Variants in ANO3 observed in about 807,000 individuals in gnomAD.
The protein encoded by ANO3 is anoctamin 3, also known as anoctamin-3.
In ANO3, 99 loss-of-function variants were observed where a neutral mutation model predicts 144.8. That is an observed-to-expected ratio of 0.68 (90% CI 0.58 to 0.81). The LOEUF (loss-of-function observed/expected upper bound fraction) is 0.81, where lower values mean the gene tolerates loss of function less well. Among genes scored for constraint, ANO3 ranks in the 30% least tolerant of loss-of-function variants. The pLI, the probability that ANO3 is intolerant of heterozygous loss-of-function variation, is 0.00. For synonymous variants in ANO3, 414 were observed against 392.6 expected (o/e 1.05, Z -0.64); for missense variants, 905 against 1,202.2 (o/e 0.75, Z 3.66).
chr11:26,593,405 T>G, intron 14 of ANO3, among the ~76,000 whole-genome samples: 1 of 152,170 alleles, frequency 6.6e-6, no homozygotes, highest in Non-Finnish European at 1.5e-5. Flanking sequence ...ATCTAGTGAT[T>G]GCCTGTCCTA....
At chr11:26,397,165 C>T (rs1857036987) in intron 1 of ANO3, among the ~76,000 whole-genome samples, 1 of 136,694 alleles carries the variant, frequency 7.3e-6, no homozygotes. Flanking sequence ...AAGCTAATCG[C>T]AAGGACTGAG....
intron 4 of ANO3, among the ~76,000 whole-genome samples, chr11:26,501,594 A>G (rs970947922): frequency 2.6e-5 from 4 of 152,076 alleles, no homozygotes; most frequent in Non-Finnish European, 5.9e-5. Flanking sequence ...AGAATATTCT[A>G]CTTGTACAGA....
At chr11:26,455,961 C>T (rs1177697117) in intron 3 of ANO3, among the ~76,000 whole-genome samples, 1 of 151,528 alleles carries the variant, frequency 6.6e-6, no homozygotes, top group Non-Finnish European at 1.5e-5. Context: ...CTGAGAAAAA[C>T]AAGCAATGGG....
chr11:26,544,666 A>G (rs938688328), intron 11 of ANO3, among the ~76,000 whole-genome samples: 9 of 151,862 alleles, frequency 5.9e-5, no homozygotes, highest in African/African-American at 2.2e-4. Context: ...ATTCAAAGCT[A>G]TATGCATATT....
At chr11:26,212,942 T>G (rs2133784555) in intron 1 of ANO3, among the ~76,000 whole-genome samples, 1 of 152,230 alleles carries the variant, frequency 6.6e-6, no homozygotes, top group Non-Finnish European at 1.5e-5. Flanking sequence ...CATGATCAAG[T>G]CAGCTTCATC....
intron 19 of ANO3, among the ~76,000 whole-genome samples, chr11:26,634,575 T>C (rs1363631412): frequency 1.3e-5 from 2 of 152,184 alleles, no homozygotes; most frequent in Non-Finnish European, 2.9e-5. Context: ...CTACCTATCA[T>C]CTTAACATTT....
At chr11:26,483,538 G>A (rs868635579) in intron 4 of ANO3, among the ~76,000 whole-genome samples, 4 of 152,088 alleles carry the variant, frequency 2.6e-5, no homozygotes, top group Non-Finnish European at 5.9e-5. Flanking sequence ...AAGACATGCT[G>A]CCTTCCTCTT....
At chr11:26,616,166 ATAT>A (rs1294175091) in intron 17 of ANO3, among the ~76,000 whole-genome samples, 4 of 152,146 alleles carry the variant, frequency 2.6e-5, no homozygotes, top group Non-Finnish European at 2.9e-5. Flanking sequence ...CAGTACATTG[ATAT>A]TATAAAAAGT....
intron 1 of ANO3, among the ~76,000 whole-genome samples, chr11:26,424,168 T>A (rs1164290602): frequency 1.3e-5 from 2 of 151,630 alleles, no homozygotes; most frequent in Non-Finnish European, 2.9e-5. Context: ...GCAAATAGAT[T>A]TTTTTTACTC....
chr11:26,342,276 A>C (rs1427191364), intron 1 of ANO3, among the ~76,000 whole-genome samples: 1 of 152,178 alleles, frequency 6.6e-6, no homozygotes. Flanking sequence ...CTATGGTCTC[A>C]TGTTTGTGTC....
chr11:26,352,224 T>A (rs1248004845), intron 1 of ANO3, among the ~76,000 whole-genome samples: 6 of 152,190 alleles, frequency 3.9e-5, no homozygotes, highest in Non-Finnish European at 8.8e-5. Context: ...AACTCATTTC[T>A]TCCTCAAGTT....
At chr11:26,222,198 G>A (rs549676032) in intron 1 of ANO3, among the ~76,000 whole-genome samples, 108 of 152,212 alleles carry the variant, frequency 7.1e-4, no homozygotes, top group Non-Finnish European at 1.4e-3. Flanking sequence ...GAAGAAAGGG[G>A]CTATAGGCCC....
intron 1 of ANO3, among the ~76,000 whole-genome samples, chr11:26,325,745 A>G (rs1397946645): frequency 1.3e-5 from 2 of 152,132 alleles, no homozygotes; most frequent in Admixed American, 6.6e-5. Flanking sequence ...TATTTTCACT[A>G]TTTTCCTTTA....
intron 1 of ANO3, among the ~76,000 whole-genome samples, chr11:26,247,474 T>C (rs765624303): frequency 2.6e-5 from 4 of 152,246 alleles, no homozygotes; most frequent in Non-Finnish European, 5.9e-5. Context: ...AAGGGGAACA[T>C]GCTTCATCAG....
intron 1 of ANO3, among the ~76,000 whole-genome samples, chr11:26,353,355 G>A (rs1050410075): frequency 6.6e-6 from 1 of 151,604 alleles, no homozygotes; most frequent in African/African-American, 2.4e-5. Context: ...CTGTTTTTCA[G>A]GGTCTTATCG....
At chr11:26,527,470 A>G (rs1227330322) in intron 7 of ANO3, among the ~76,000 whole-genome samples, 1 of 152,134 alleles carries the variant, frequency 6.6e-6, no homozygotes, top group Non-Finnish European at 1.5e-5. Context: ...GGTAGGGAAT[A>G]AATAGAAAAG....
chr11:26,429,194 A>G (rs1274769004), intron 1 of ANO3, among the ~76,000 whole-genome samples: 3 of 152,142 alleles, frequency 2.0e-5, no homozygotes, highest in Non-Finnish European at 4.4e-5. Flanking sequence ...CTGACCACTG[A>G]TACTACTGGC....
At chr11:26,423,198 A>C (rs1857804714) in intron 1 of ANO3, among the ~76,000 whole-genome samples, 1 of 151,972 alleles carries the variant, frequency 6.6e-6, no homozygotes, top group Admixed American at 6.6e-5. Context: ...AACATAGAAG[A>C]AGGAATATGT....
At chr11:26,218,444 A>C (rs1008884611) in intron 1 of ANO3, among the ~76,000 whole-genome samples, 9 of 151,858 alleles carry the variant, frequency 5.9e-5, no homozygotes, top group African/African-American at 2.2e-4. Context: ...TAACATTTTA[A>C]TTTCATCTGT....
Sources: gnomAD v4.1 joint callset for allele counts (sites outside exome capture counted in the v4.1 genomes callset) on GRCh38, gnomAD v4.1.1 for gene constraint, MANE v1.5 for transcripts, NCBI Gene and HGNC (gene_info 2026-07-23, HGNC 2026-07-21) for gene names.